The following KAZN variants were observed in gnomAD, a reference collection of about 807,000 sequenced individuals.
KAZN encodes the protein kazrin, periplakin interacting protein.
Under a neutral mutation model 87.4 loss-of-function variants are expected in KAZN, and 40 were observed. The ratio of observed to expected loss-of-function variants is 0.46; its 90% confidence interval spans 0.36 to 0.60. KAZN has a LOEUF of 0.60. KAZN is among the 20% of genes least tolerant of loss of function. The pLI is 0.00. For synonymous variants in KAZN, 466 were observed against 458.3 expected (o/e 1.02, Z -0.22); for missense variants, 898 against 1,073.9 (o/e 0.84, Z 2.29).
chr1:14,914,029 C>G (rs1042333987), intron 1 of KAZN, among the ~76,000 whole-genome samples: 1 of 152,228 alleles, frequency 6.6e-6, no homozygotes, highest in African/African-American at 2.4e-5. Context: ...CCTCCCCACT[C>G]AGAGGGCATG....
chr1:14,801,060 AAAG>A (rs1381425503), intron 1 of KAZN, among the ~76,000 whole-genome samples: 6 of 151,832 alleles, frequency 4.0e-5, no homozygotes, highest in Non-Finnish European at 5.9e-5. Context: ...AAAAAAAAAA[AAAG>A]AAATACGTGG....
rs79430520 is a variant in KAZN, at chr1:14,847,391, T to C, written c.227-113293T>C. ...TGTGTTTCCCTTGCTCTGCCCAGAG[T>C]CTCAAAGCAGCCATCTTCATTTTAT... is the stretch of plus-strand genomic sequence containing the variant. On this transcript the variant is annotated intron_variant, in intron 1 of 14. Transcript: ENST00000376030. Among the ~76,000 whole-genome samples the C allele has an allele frequency of 3.4e-3, 516 of 152,150 alleles. 17 individuals carry two copies. In the East Asian group the frequency reaches 0.069, roughly 20 times the overall value.
intron 2 of KAZN, among the ~76,000 whole-genome samples, chr1:14,347,318 C>A (rs1313880677): frequency 6.6e-6 from 1 of 152,200 alleles, no homozygotes; most frequent in Non-Finnish European, 1.5e-5. Context: ...GCAGTCCAGG[C>A]ACACGACCCA....
chr1:14,172,504 C>A, intron 1 of KAZN, among the ~76,000 whole-genome samples: 1 of 152,196 alleles, frequency 6.6e-6, no homozygotes, highest in East Asian at 1.9e-4. Flanking sequence ...CTATTGGTGA[C>A]CTCATGGAAC....
In KAZN at chr1:14,230,051, C is replaced by A. The variant is rs150064387; in HGVS notation, c.249+49459C>A. ...TGTCCCATATAGCAGCCACTAACGT[C>A]ATGTGGGTATTGAACACTAGAAATG... On this transcript the variant is annotated intron_variant, in intron 2 of 16. Coordinates refer to the KAZN transcript ENST00000636203. 2.6e-5 allele frequency among the ~76,000 whole-genome samples: 4 copies of A among 152,368 alleles called. No individual in the cohort carries two copies. The East Asian group carries it at 7.7e-4, about 29-fold the overall frequency.
At chr1:15,026,324 G>A (rs6684496) in intron 2 of KAZN, among the ~76,000 whole-genome samples, 79,194 of 152,072 alleles carry the variant, frequency 0.52, 20,962 homozygotes, top group African/African-American at 0.61. Flanking sequence ...GCCAGGTGGA[G>A]ACGATCATGC....
chr1:14,204,534 G>T (rs1282260772), intron 2 of KAZN, among the ~76,000 whole-genome samples: 5 of 152,146 alleles, frequency 3.3e-5, no homozygotes, highest in African/African-American at 1.2e-4. Context: ...CTTCCACAAG[G>T]AGAAACAAAT....
chr1:14,042,309 G>A (rs1641872718), intron 1 of KAZN, among the ~76,000 whole-genome samples: 1 of 152,058 alleles, frequency 6.6e-6, no homozygotes, highest in Non-Finnish European at 1.5e-5. Context: ...TACTATAAGT[G>A]TAGAGGAGAG....
rs1659180057 is a variant in KAZN, at chr1:14,926,458, C to T, written c.227-34226C>T. Among the ~76,000 whole-genome samples, 3 of 152,282 alleles carry T rather than the reference C, an allele frequency of 2.0e-5. 1 individual carries two copies. The South Asian group carries it at 6.2e-4, about 32-fold the overall frequency. On this transcript the variant is annotated intron_variant, in intron 1 of 14. Coordinates refer to ENST00000376030, the MANE Select transcript of KAZN (RefSeq NM_201628.3). ...GGTATGTCCGTTTTAAAAGACAGCA[C>T]ATTGGAAAACTCTTTTCCCAGTTTA...
chr1:14,167,096 G>C (rs1402147130), intron 1 of KAZN, among the ~76,000 whole-genome samples: 1 of 152,228 alleles, frequency 6.6e-6, no homozygotes, highest in Non-Finnish European at 1.5e-5. Context: ...AGGGGAACTG[G>C]ACCCATCTAA....
chr1:14,483,993 T>C (rs1669218430), intron 2 of KAZN, among the ~76,000 whole-genome samples: 1 of 152,246 alleles, frequency 6.6e-6, no homozygotes, highest in Non-Finnish European at 1.5e-5. Context: ...ATATCCAGTT[T>C]TTCCAGTACC....
chr1:14,359,631 G>C (rs1202328750), intron 2 of KAZN, among the ~76,000 whole-genome samples: 1 of 152,158 alleles, frequency 6.6e-6, no homozygotes, highest in Non-Finnish European at 1.5e-5. Context: ...GGCAGGCCTA[G>C]TGGTGACAAA....
intron 2 of KAZN, among the ~76,000 whole-genome samples, chr1:14,567,289 C>T (rs1386601393): frequency 6.6e-6 from 1 of 152,108 alleles, no homozygotes; most frequent in African/African-American, 2.4e-5. Context: ...TCGGAACACA[C>T]AAAATTTCTC....
At chr1:14,567,255 G>A (rs1294112929) in intron 2 of KAZN, among the ~76,000 whole-genome samples, 1 of 152,140 alleles carries the variant, frequency 6.6e-6, no homozygotes, top group African/African-American at 2.4e-5. Flanking sequence ...AAAGAAATGG[G>A]GAAACGGCCA....
intron 1 of KAZN, among the ~76,000 whole-genome samples, chr1:14,048,250 A>G (rs1025691993): frequency 6.6e-6 from 1 of 152,152 alleles, no homozygotes; most frequent in Non-Finnish European, 1.5e-5. Context: ...ATTCTGGCCA[A>G]ATGTATCTCA....
chr1:14,791,907 G>C (rs1287174728), intron 1 of KAZN, among the ~76,000 whole-genome samples: 2 of 152,222 alleles, frequency 1.3e-5, no homozygotes, highest in Non-Finnish European at 2.9e-5. Flanking sequence ...TGCCAGCAGT[G>C]GGGATGGGAC....
chr1:14,444,753 G>A (rs1279843822), intron 2 of KAZN, among the ~76,000 whole-genome samples: 1 of 152,080 alleles, frequency 6.6e-6, no homozygotes, highest in African/African-American at 2.4e-5. Context: ...ATTTAAATTT[G>A]TTCTACACCA....
At chr1:14,515,342 C>A (rs1354777633) in intron 2 of KAZN, among the ~76,000 whole-genome samples, 1 of 152,146 alleles carries the variant, frequency 6.6e-6, no homozygotes. Context: ...CCAATCCAAT[C>A]GCTGTAGGAA....
chr1:14,334,684 G>A (rs1001915058), intron 2 of KAZN, among the ~76,000 whole-genome samples: 36 of 152,180 alleles, frequency 2.4e-4, no homozygotes, highest in Non-Finnish European at 4.0e-4. Flanking sequence ...GGCTGGGCTG[G>A]GGCTGGGGCT....
Sources: gnomAD v4.1 joint callset for allele counts (sites outside exome capture counted in the v4.1 genomes callset) on GRCh38, gnomAD v4.1.1 for gene constraint, MANE v1.5 for transcripts, NCBI Gene and HGNC (gene_info 2026-07-23, HGNC 2026-07-21) for gene names.